DLG2: variants seen among roughly 807,000 people sequenced by gnomAD.
DLG2 encodes the protein discs large MAGUK scaffold protein 2.
A neutral mutation model predicts 132.5 loss-of-function variants in DLG2; 45 were observed. The ratio of observed to expected loss-of-function variants is 0.34; its 90% CI spans 0.27 to 0.44. The LOEUF is 0.44. Ranked by LOEUF, DLG2 falls within the 20% of genes least tolerant of loss-of-function variation. The pLI, the probability that DLG2 is intolerant of heterozygous loss-of-function variation, is 1.00. For missense variants in DLG2, 1,045 were observed against 1,196.9 expected (o/e 0.87, Z 1.87); for synonymous variants, 424 against 419.6 (o/e 1.01, Z -0.13).
intron 11 of DLG2, among the ~76,000 whole-genome samples, chr11:84,058,507 A>AATAATAATC (rs1566266732): frequency 3.6e-5 from 5 of 139,236 alleles, no homozygotes; most frequent in African/African-American, 1.3e-4. Context: ...AAACAAATAC[A>AATAATAATC]ATAATAATAA....
At chr11:83,882,087 G>C (rs977028242) in intron 15 of DLG2, among the ~76,000 whole-genome samples, 6 of 151,974 alleles carry the variant, frequency 3.9e-5, no homozygotes, top group African/African-American at 1.4e-4. Context: ...TATAATTTAC[G>C]TAAGAAAAAT....
chr11:84,938,729 G>A (rs926160311), intron 6 of DLG2, among the ~76,000 whole-genome samples: 1 of 152,148 alleles, frequency 6.6e-6, no homozygotes, highest in Non-Finnish European at 1.5e-5. Flanking sequence ...CCCAAAGCCA[G>A]CAACCATGCT....
rs1211169979 is a variant in DLG2, at chr11:85,499,421, A to C, written c.40+99236T>G. Among the ~76,000 whole-genome samples the C allele has an allele frequency of 2.6e-5, 4 of 152,214 alleles. No homozygotes were observed. The East Asian group carries it at 5.8e-4, about 22-fold the overall frequency. On this transcript the variant is annotated intron_variant, in intron 3 of 27. Transcript: ENST00000376104. ...AAGAAGTTTAATCTCTGAATAGACC[A>C]ATAATAGGTTCTGAAATTGAAACAA...
intron 6 of DLG2, among the ~76,000 whole-genome samples, chr11:85,004,512 T>C (rs748528405): frequency 2.0e-4 from 30 of 152,190 alleles, no homozygotes; most frequent in Non-Finnish European, 3.8e-4. Flanking sequence ...GCCACATCAG[T>C]GTATTCTTCT....
rs116172014 is a variant in DLG2, at chr11:85,334,377, A to C, written c.41-49012T>G. On this transcript the variant is annotated intron_variant, in intron 3 of 27. Transcript: ENST00000376104. ...ATCAATCTTATGTATTCTTTTAAAG[A>C]ACAAATTTTTTGTTTCATCTATATT... Among the ~76,000 whole-genome samples, 266 of 152,154 alleles carry C rather than the reference A, an allele frequency of 1.7e-3. 1 individual carries two copies. Among genetic ancestry groups the C allele is most frequent in the African/African-American group, 6.2e-3 (259 of 41,532 alleles).
intron 7 of DLG2, among the ~76,000 whole-genome samples, chr11:84,495,605 C>T (rs1384739703): frequency 6.6e-6 from 1 of 152,104 alleles, no homozygotes; most frequent in Non-Finnish European, 1.5e-5. Context: ...ATGATGTCAC[C>T]TCAGTTATCA....
At chr11:83,677,103 C>T (rs2077860788) in intron 18 of DLG2, among the ~76,000 whole-genome samples, 1 of 152,088 alleles carries the variant, frequency 6.6e-6, no homozygotes, top group Non-Finnish European at 1.5e-5. Context: ...ATTTTCTCCC[C>T]TAATTTCCTA....
intron 5 of DLG2, among the ~76,000 whole-genome samples, chr11:85,133,457 C>G (rs1594712365): frequency 6.6e-6 from 1 of 152,204 alleles, no homozygotes; most frequent in East Asian, 1.9e-4. Context: ...AACTCACTTG[C>G]AATTACAAGG....
chr11:84,723,975 GTTATAC>G (rs2062115408), intron 6 of DLG2, among the ~76,000 whole-genome samples: 1 of 151,968 alleles, frequency 6.6e-6, no homozygotes, highest in African/African-American at 2.4e-5. Flanking sequence ...ATTTATTATT[GTTATAC>G]TTAATCAGAA....
rs2067288068 is a variant in DLG2, at chr11:84,759,271, G to A, written c.358-224540C>T. Among the ~76,000 whole-genome samples, 3 of 152,254 alleles carry A rather than the reference G, an allele frequency of 2.0e-5. No homozygotes were observed. The South Asian group carries it at 6.2e-4, about 32-fold the overall frequency. On this transcript the variant is annotated intron_variant, in intron 6 of 27. Coordinates refer to ENST00000376104, the MANE Select transcript of DLG2 (RefSeq NM_001142699.3). ...TGTGAATAAAATTCTCATTGCCTCTGCCTTTGAGAAGCTATTAGGCTAAAG... is the reference window on the plus strand; with the variant it reads ...TGTGAATAAAATTCTCATTGCCTCTACCTTTGAGAAGCTATTAGGCTAAAG...
chr11:85,200,445 C>G (rs1359775639), intron 4 of DLG2, among the ~76,000 whole-genome samples: 2 of 152,170 alleles, frequency 1.3e-5, no homozygotes, highest in Non-Finnish European at 2.9e-5. Flanking sequence ...TTGTTCATAT[C>G]TCACAGCCCA....
In DLG2 at chr11:84,311,791, C is replaced by A. The variant is rs112648770; in HGVS notation, c.520-60500G>T. ...CTCTCCAGGCATCTCTTTTAATGAA[C>A]CTTCTCTCACAGGGCTCAATGTTCC... is the stretch of plus-strand genomic sequence containing the variant. On this transcript the variant is annotated intron_variant, in intron 7 of 27. Transcript: ENST00000376104. 3.9e-4 allele frequency among the ~76,000 whole-genome samples: 59 copies of A among 152,334 alleles called. 1 individual carries two copies. Among genetic ancestry groups the A allele is most frequent in the Middle Eastern group, 6.8e-3 (2 of 294 alleles).
chr11:84,712,299 T>C, intron 6 of DLG2, among the ~76,000 whole-genome samples: 1 of 151,988 alleles, frequency 6.6e-6, no homozygotes, highest in East Asian at 1.9e-4. Context: ...TTCTCTCAAA[T>C]TTTCTAAAAT....
At chr11:85,595,531 G>A (rs2079687169) in intron 3 of DLG2, among the ~76,000 whole-genome samples, 1 of 151,902 alleles carries the variant, frequency 6.6e-6, no homozygotes, top group Non-Finnish European at 1.5e-5. Flanking sequence ...GCTGTTTCAG[G>A]GTTTTTTTTA....
intron 6 of DLG2, among the ~76,000 whole-genome samples, chr11:84,974,814 CTG>C (rs1475766753): frequency 1.3e-5 from 2 of 152,178 alleles, no homozygotes; most frequent in Non-Finnish European, 2.9e-5. Flanking sequence ...CCCCAGATAA[CTG>C]TGATGCATGC....
chr11:83,772,466 G>GAGGA (rs1229463616), intron 18 of DLG2, among the ~76,000 whole-genome samples: 48 of 130,972 alleles, frequency 3.7e-4, no homozygotes, highest in African/African-American at 9.3e-4. Context: ...GGGAGGGAGG[G>GAGGA]AGGAAGGAAG....
chr11:84,724,781 T>G (rs2062214469), intron 6 of DLG2, among the ~76,000 whole-genome samples: 1 of 152,186 alleles, frequency 6.6e-6, no homozygotes, highest in Admixed American at 6.5e-5. Flanking sequence ...CACAAATGTT[T>G]ATTTCTTCCT....
chr11:84,000,288 G>A (rs2094278795), intron 11 of DLG2, among the ~76,000 whole-genome samples: 1 of 151,864 alleles, frequency 6.6e-6, no homozygotes, highest in African/African-American at 2.4e-5. Flanking sequence ...CGAACTTTAA[G>A]AAAGGTCTTT....
intron 6 of DLG2, among the ~76,000 whole-genome samples, chr11:84,882,332 A>C (rs958052629): frequency 2.0e-5 from 3 of 152,088 alleles, no homozygotes; most frequent in African/African-American, 7.2e-5. Flanking sequence ...AAAGAAAAAA[A>C]AATGCCGTGT....
Sources: gnomAD v4.1 joint callset for allele counts (sites outside exome capture counted in the v4.1 genomes callset) on GRCh38, gnomAD v4.1.1 for gene constraint, MANE v1.5 for transcripts, NCBI Gene and HGNC (gene_info 2026-07-23, HGNC 2026-07-21) for gene names.